The following DCP1A variants were observed in gnomAD, a reference collection of about 807,000 sequenced individuals.
DCP1A encodes mRNA-decapping enzyme 1A.
In DCP1A, 20 loss-of-function variants were observed where a neutral mutation model predicts 58.0. The observed-to-expected ratio is 0.34, with a 90% CI of 0.24 to 0.50. The LOEUF is 0.50. DCP1A is among the 20% of genes least tolerant of loss of function. The pLI, the probability that DCP1A is intolerant of heterozygous loss-of-function variation, is 0.98. For synonymous variants in DCP1A, 285 were observed against 275.1 expected (o/e 1.04, Z -0.36); for missense variants, 613 against 712.2 (o/e 0.86, Z 1.59).
intron 3 of DCP1A, among the ~76,000 whole-genome samples, chr3:53,319,851 C>T (rs977055574): frequency 6.6e-6 from 1 of 151,974 alleles, no homozygotes; most frequent in Non-Finnish European, 1.5e-5. Flanking sequence ...AAATTGTTGC[C>T]GGGCATGGTG....
At position 53,312,884 on chromosome 3, in the gene DCP1A, C is replaced by T. The variant is rs1216613565; in HGVS notation, c.372-505G>A. Among the ~76,000 whole-genome samples the T allele has an allele frequency of 2.6e-5, 4 of 152,254 alleles. No individual in the cohort carries two copies. In the East Asian group the frequency reaches 5.8e-4, roughly 22 times the overall value. On this transcript the variant is annotated intron_variant, in intron 4 of 9. Coordinates refer to ENST00000610213, the MANE Select transcript of DCP1A (RefSeq NM_018403.7). ...CATTTCACCGTCTCATTAACAGTGCCAATATTTACCCTTCAGAAGGATAAA... is the reference window on the plus strand; with the variant it reads ...CATTTCACCGTCTCATTAACAGTGCTAATATTTACCCTTCAGAAGGATAAA...
At chr3:53,291,732 G>A (rs1407363101) in intron 7 of DCP1A, among the ~76,000 whole-genome samples, 1 of 152,078 alleles carries the variant, frequency 6.6e-6, no homozygotes, top group Non-Finnish European at 1.5e-5. Flanking sequence ...AGGGTACTTG[G>A]CACAAGGTAG....
intron 3 of DCP1A, among the ~76,000 whole-genome samples, chr3:53,327,869 T>C (rs1189317822): frequency 5.9e-5 from 9 of 151,584 alleles, no homozygotes; most frequent in Admixed American, 5.9e-4. Flanking sequence ...ACGTCTGTAA[T>C]CCCAGCACTT....
At chr3:53,303,609 G>A (rs1439031213) in intron 6 of DCP1A, among the ~76,000 whole-genome samples, 1 of 152,200 alleles carries the variant, frequency 6.6e-6, no homozygotes, top group African/African-American at 2.4e-5. Flanking sequence ...CCTGACTTAT[G>A]GAGGACATAT....
chr3:53,289,462 C>T (rs1006393144), intron 8 of DCP1A, among the ~76,000 whole-genome samples: 7 of 151,148 alleles, frequency 4.6e-5, no homozygotes, highest in Non-Finnish European at 1.0e-4. Flanking sequence ...AATACAAAAA[C>T]GTAGTGGAGT....
intron 4 of DCP1A, among the ~76,000 whole-genome samples, chr3:53,313,614 C>CT (rs1399782898): frequency 3.3e-5 from 5 of 151,904 alleles, no homozygotes; most frequent in African/African-American, 7.2e-5. Flanking sequence ...AATAAAGCAA[C>CT]TTTTTTTGTT....
chr3:53,322,143 A>T (rs1200268898), intron 3 of DCP1A, among the ~76,000 whole-genome samples: 1 of 152,144 alleles, frequency 6.6e-6, no homozygotes, highest in Non-Finnish European at 1.5e-5. Flanking sequence ...ACTTCATGGC[A>T]AATCTTAACT....
intron 6 of DCP1A, among the ~76,000 whole-genome samples, chr3:53,293,541 A>G (rs985387048): frequency 6.6e-6 from 1 of 152,196 alleles, no homozygotes; most frequent in African/African-American, 2.4e-5. Context: ...GCAAGGGAGT[A>G]ACAACAGTTC....
intron 4 of DCP1A, among the ~76,000 whole-genome samples, chr3:53,315,873 C>T (rs1260238165): frequency 6.7e-6 from 1 of 150,372 alleles, no homozygotes; most frequent in East Asian, 2.0e-4. Context: ...TCTGCCTCAG[C>T]CTCCTGAGTA....
intron 3 of DCP1A, among the ~76,000 whole-genome samples, chr3:53,328,192 A>G (rs549628233): frequency 6.6e-6 from 1 of 152,202 alleles, no homozygotes; most frequent in African/African-American, 2.4e-5. Flanking sequence ...TAAGTGACTC[A>G]GACCTGCCTG....
At position 53,292,186 on chromosome 3, in the gene DCP1A, A is replaced by C. The variant is rs782457634; in HGVS notation, c.1266T>G (p.Ser422=). 4 of 1,613,994 alleles carry C rather than the reference A, an allele frequency of 2.5e-6. No homozygotes were observed. In the East Asian group the frequency reaches 8.9e-5, roughly 36 times the overall value. ...GTGTGGCTAGCTGACCAGCTGCCGGAGAAAAGCTGGCTACCATTGCACCTT... is the reference window on the plus strand; with the variant it reads ...GTGTGGCTAGCTGACCAGCTGCCGGCGAAAAGCTGGCTACCATTGCACCTT... ...LGKGAMVASF[S]PAAGQLATPE... Residue 422 remains serine (S), a synonymous_variant, in exon 7 of 10, where the codon TCT becomes TCG. Coordinates refer to ENST00000610213, the MANE Select transcript of DCP1A (RefSeq NM_018403.7).
At chr3:53,344,822 A>C (rs1193665337) in intron 2 of DCP1A, 80 bp downstream of exon 2, 3 of 1,100,696 alleles carry the variant, frequency 2.7e-6, no homozygotes, top group Non-Finnish European at 4.1e-6. Context: ...TCCAAAGACA[A>C]ATGTACAAGA....
At chr3:53,305,833 CTAA>C (rs1553687975) in intron 5 of DCP1A, among the ~76,000 whole-genome samples, 3 of 151,916 alleles carry the variant, frequency 2.0e-5, no homozygotes, top group Non-Finnish European at 4.4e-5. Context: ...TCTAATTGTA[CTAA>C]TATTATTAAG....
At chr3:53,342,112 T>C in intron 3 of DCP1A, 32 bp downstream of exon 3, 1 of 1,542,262 alleles carries the variant, frequency 6.5e-7, no homozygotes. Flanking sequence ...CAATTTTAAA[T>C]GTAATAACTA....
At chr3:53,338,547 G>A (rs1462458832) in intron 3 of DCP1A, among the ~76,000 whole-genome samples, 1 of 152,084 alleles carries the variant, frequency 6.6e-6, no homozygotes, top group Non-Finnish European at 1.5e-5. Flanking sequence ...TGGGGTGGGT[G>A]TAGATGGGCA....
chr3:53,290,545 G>A (rs1377693243), intron 8 of DCP1A: 4 of 612,262 alleles, frequency 6.5e-6, no homozygotes, highest in Admixed American at 2.9e-5. Context: ...GATGTGCTGG[G>A]CTCCATAGCT....
intron 3 of DCP1A, among the ~76,000 whole-genome samples, chr3:53,336,837 A>G (rs1357962468): frequency 6.8e-6 from 1 of 147,806 alleles, no homozygotes; most frequent in African/African-American, 2.5e-5. Flanking sequence ...CTTCTAACCC[A>G]AAGCCCAGAT....
At chr3:53,308,852 C>T (rs1271003078) in intron 5 of DCP1A, among the ~76,000 whole-genome samples, 3 of 152,230 alleles carry the variant, frequency 2.0e-5, no homozygotes, top group African/African-American at 4.8e-5. Context: ...CCTCCCACCT[C>T]GGCCTCCCAA....
At chr3:53,301,464 G>A (rs550176982) in intron 6 of DCP1A, among the ~76,000 whole-genome samples, 1 of 152,052 alleles carries the variant, frequency 6.6e-6, no homozygotes, top group East Asian at 1.9e-4. Flanking sequence ...GTAGAGACGG[G>A]GTTTCACCAT....
Sources: allele counts gnomAD v4.1 joint callset (sites outside exome capture counted in the v4.1 genomes callset), GRCh38; gene constraint gnomAD v4.1.1; transcripts MANE v1.5; gene names NCBI Gene and HGNC (gene_info 2026-07-23, HGNC 2026-07-21).